The following NRXN3 variants were observed in gnomAD, a reference collection of about 807,000 sequenced individuals.
The protein encoded by NRXN3 is neurexin III.
In NRXN3, 32 loss-of-function variants were observed where a neutral mutation model predicts 137.6. The ratio of observed to expected loss-of-function variants is 0.23; its 90% CI spans 0.18 to 0.31. The LOEUF (loss-of-function observed/expected upper bound fraction) is 0.31. NRXN3 is among the 10% of genes least tolerant of loss of function. The pLI is 1.00. For missense variants in NRXN3, 1,574 were observed against 2,062.5 expected, an observed-to-expected ratio of 0.76 and a Z score of 4.59; for synonymous variants, 798 against 784.5, an observed-to-expected ratio of 1.02 and a Z score of -0.29.
At chr14:79,419,572 T>C (rs1015615455) in intron 15 of NRXN3, among the ~76,000 whole-genome samples, 2 of 151,436 alleles carry the variant, frequency 1.3e-5, no homozygotes, top group Admixed American at 1.3e-4. Context: ...TCATCAAGAG[T>C]CTTGTGTGCC....
At position 79,221,455 on chromosome 14, in the gene NRXN3, G is replaced by A. The variant is rs565092046; in HGVS notation, c.3262+233314G>A. Among the ~76,000 whole-genome samples, 20 of 152,188 alleles carry A rather than the reference G, an allele frequency of 1.3e-4. No individual in the cohort carries two copies. In the East Asian group the frequency reaches 2.9e-3, roughly 22 times the overall value. The stretch of plus-strand genomic sequence containing the variant: ...TTTAATTATCGCTATTCTAACTGGC[G>A]TGAGATGGTATCTCGTTGTGGTTTT... On this transcript the variant is annotated intron_variant, in intron 15 of 20. Coordinates refer to ENST00000335750, the MANE Select transcript of NRXN3 (RefSeq NM_001330195.2).
At chr14:79,245,385 A>G (rs2075001534) in intron 15 of NRXN3, among the ~76,000 whole-genome samples, 1 of 151,992 alleles carries the variant, frequency 6.6e-6, no homozygotes, top group African/African-American at 2.4e-5. Flanking sequence ...GGGAGAGACC[A>G]TGGGAAGAGA....
intron 4 of NRXN3, among the ~76,000 whole-genome samples, chr14:78,509,944 C>T (rs2096070034): frequency 6.6e-6 from 1 of 151,866 alleles, no homozygotes; most frequent in Admixed American, 6.6e-5. Flanking sequence ...TTCTGAGACT[C>T]AGAACAGGAT....
intron 10 of NRXN3, among the ~76,000 whole-genome samples, chr14:78,934,495 A>G (rs150774): frequency 0.27 from 41,664 of 152,028 alleles, 8,554 homozygotes; most frequent in African/African-American, 0.56. Flanking sequence ...TTTCTGAGGA[A>G]GAAGGCAGAT....
chr14:78,887,345 A>G (rs116032580), intron 10 of NRXN3, among the ~76,000 whole-genome samples: 1 of 152,076 alleles, frequency 6.6e-6, no homozygotes, highest in Non-Finnish European at 1.5e-5. Context: ...TGTTTAGGCT[A>G]TTGAGAGAGA....
chr14:78,285,811 G>T (rs1469674291), intron 3 of NRXN3, among the ~76,000 whole-genome samples: 1 of 152,228 alleles, frequency 6.6e-6, no homozygotes, highest in Non-Finnish European at 1.5e-5. Flanking sequence ...GCTTGGCTCA[G>T]TGGGAGATGG....
chr14:78,783,990 T>A (rs909988636), intron 8 of NRXN3, among the ~76,000 whole-genome samples: 3 of 146,564 alleles, frequency 2.0e-5, no homozygotes, highest in Admixed American at 1.4e-4. Flanking sequence ...CATAGCTACA[T>A]CATGGTAAAC....
intron 15 of NRXN3, among the ~76,000 whole-genome samples, chr14:79,402,815 C>G (rs1224015578): frequency 6.6e-6 from 1 of 152,138 alleles, no homozygotes; most frequent in Non-Finnish European, 1.5e-5. Context: ...GTGTGCTATG[C>G]TAGGTGCTGC....
intron 4 of NRXN3, among the ~76,000 whole-genome samples, chr14:78,321,560 C>G (rs759704777): frequency 6.6e-6 from 1 of 152,034 alleles, no homozygotes; most frequent in African/African-American, 2.4e-5. Flanking sequence ...CTGCAAGGCT[C>G]TCTGTTGGAT....
At chr14:78,521,587 A>G (rs10873317) in intron 4 of NRXN3, among the ~76,000 whole-genome samples, 68,034 of 151,932 alleles carry the variant, frequency 0.45, 15,465 homozygotes, top group East Asian at 0.51. Context: ...TCTTGTATTA[A>G]TTATTTTGGG....
At chr14:78,803,502 A>T in intron 8 of NRXN3, 118 bp from the exon 9 acceptor site, 1 of 888,172 alleles carries the variant, frequency 1.1e-6, no homozygotes, top group Admixed American at 1.8e-5. Context: ...TTCATCAAAC[A>T]CAAGTCACTA....
At chr14:79,229,400 G>A (rs777870935) in intron 15 of NRXN3, among the ~76,000 whole-genome samples, 10 of 152,098 alleles carry the variant, frequency 6.6e-5, no homozygotes, top group East Asian at 1.9e-4. Flanking sequence ...ACACAGCCCC[G>A]GGAAACTTCA....
chr14:78,941,852 A>G (rs902237920), intron 10 of NRXN3, among the ~76,000 whole-genome samples: 2 of 152,090 alleles, frequency 1.3e-5, no homozygotes, highest in African/African-American at 4.8e-5. Context: ...CATCTTTGGG[A>G]TTGTCGAGTT....
At chr14:78,565,177 A>G (rs1269159053) in intron 4 of NRXN3, among the ~76,000 whole-genome samples, 1 of 152,226 alleles carries the variant, frequency 6.6e-6, no homozygotes, top group Non-Finnish European at 1.5e-5. Flanking sequence ...AAGTAGATAG[A>G]TCAAGGAGTA....
chr14:78,536,593 C>G (rs976240335), intron 4 of NRXN3, among the ~76,000 whole-genome samples: 8 of 149,020 alleles, frequency 5.4e-5, no homozygotes, highest in Non-Finnish European at 9.0e-5. Flanking sequence ...TGCCTGAGAC[C>G]TACAGATTAT....
At chr14:79,222,253 A>G (rs970263869) in intron 15 of NRXN3, among the ~76,000 whole-genome samples, 1 of 152,166 alleles carries the variant, frequency 6.6e-6, no homozygotes, top group Non-Finnish European at 1.5e-5. Context: ...TTTTGGTTCC[A>G]TATGAAATAT....
At chr14:79,155,913 A>T (rs922884344) in intron 15 of NRXN3, among the ~76,000 whole-genome samples, 28 of 151,888 alleles carry the variant, frequency 1.8e-4, no homozygotes, top group African/African-American at 6.5e-4. Flanking sequence ...GTCATCATCT[A>T]TTTTGATTGT....
intron 8 of NRXN3, among the ~76,000 whole-genome samples, chr14:78,754,814 T>C (rs184515240): frequency 6.6e-6 from 1 of 150,866 alleles, no homozygotes; most frequent in African/African-American, 2.4e-5. Flanking sequence ...GTGAACTCGA[T>C]AACCACCATT....
At chr14:79,491,796 A>C (rs2096720075) in intron 16 of NRXN3, among the ~76,000 whole-genome samples, 1 of 152,158 alleles carries the variant, frequency 6.6e-6, no homozygotes, top group Admixed American at 6.5e-5. Context: ...CCTTTGTATG[A>C]AGTAAATAGT....
Sources: allele counts gnomAD v4.1 joint callset (sites outside exome capture counted in the v4.1 genomes callset), GRCh38; gene constraint gnomAD v4.1.1; transcripts MANE v1.5; gene names NCBI Gene and HGNC (gene_info 2026-07-23, HGNC 2026-07-21).